EBPL: variants seen among roughly 807,000 people sequenced by gnomAD.
EBPL encodes EBP like, also known as emopamil-binding protein-like.
In EBPL, 20 loss-of-function variants were observed where a neutral mutation model predicts 19.0. The ratio of observed to expected loss-of-function variants is 1.05; its 90% CI spans 0.74 to 1.53. The LOEUF (loss-of-function observed/expected upper bound fraction) is 1.53, where lower values mean the gene tolerates loss of function less well. EBPL is among the 40% of genes most tolerant of loss of function. The pLI, the probability that EBPL is intolerant of heterozygous loss-of-function variation, is 0.00. For missense variants in EBPL, 219 were observed against 261.1 expected (o/e 0.84, Z 1.11); for synonymous variants, 107 against 117.0 (o/e 0.91, Z 0.55).
At chr13:49,675,276 G>A (rs2137497855) in intron 1 of EBPL, among the ~76,000 whole-genome samples, 1 of 152,298 alleles carries the variant, frequency 6.6e-6, no homozygotes, top group African/African-American at 2.4e-5. Context: ...TAACACAATG[G>A]TATTTGTGCA....
intron 1 of EBPL, among the ~76,000 whole-genome samples, chr13:49,674,038 A>T (rs1953849291): frequency 6.6e-6 from 1 of 152,062 alleles, no homozygotes; most frequent in Non-Finnish European, 1.5e-5. Flanking sequence ...GGACTGTATC[A>T]ATGTCCATAT....
At position 49,661,040 on chromosome 13, in the gene EBPL, T is replaced by C; in HGVS notation, c.549A>G (p.Leu183=). The change falls in exon 4 of 4, where the codon CTA becomes CTG. Residue 183 remains leucine, a synonymous_variant. Transcript: ENST00000242827. ...TGAGTTCTAGCCATGACTGCCACAG[T>C]AGCAGTCCTGGGATCAGAACCCACA... ...NGVWVLIPGL[L]LWQSWLELKK... is the part of the protein sequence containing the mutation. 6.2e-7 allele frequency: 1 copy of C among 1,614,116 alleles called. No homozygotes were observed. Among genetic ancestry groups the C allele is most frequent in the East Asian group, 2.2e-5 (1 of 44,880 alleles).
intron 2 of EBPL, among the ~76,000 whole-genome samples, chr13:49,664,991 C>T (rs910367280): frequency 3.0e-4 from 46 of 152,130 alleles, no homozygotes; most frequent in African/African-American, 1.0e-3. Context: ...AAACGTTTCT[C>T]CTCTAAATTT....
At chr13:49,677,117 C>CT in intron 1 of EBPL, among the ~76,000 whole-genome samples, 1 of 152,210 alleles carries the variant, frequency 6.6e-6, no homozygotes, top group Non-Finnish European at 1.5e-5. Flanking sequence ...GGCAGTGGTT[C>CT]TACATGAGGA....
intron 1 of EBPL, among the ~76,000 whole-genome samples, chr13:49,672,403 G>T (rs957978178): frequency 7.9e-5 from 12 of 152,276 alleles, no homozygotes; most frequent in African/African-American, 2.9e-4. Context: ...CTCCTGCTGG[G>T]AGGTCAGTGC....
intron 1 of EBPL, among the ~76,000 whole-genome samples, chr13:49,689,862 G>A (rs1024384796): frequency 1.3e-5 from 2 of 152,018 alleles, no homozygotes; most frequent in Admixed American, 6.6e-5. Context: ...ATCAATTCTC[G>A]GCTGGTGGCG....
intron 1 of EBPL, among the ~76,000 whole-genome samples, chr13:49,676,883 G>A (rs964998289): frequency 2.6e-5 from 4 of 152,106 alleles, no homozygotes; most frequent in South Asian, 4.1e-4. Context: ...GGTATTAGCC[G>A]GGCCACCTAA....
intron 1 of EBPL, among the ~76,000 whole-genome samples, chr13:49,679,895 A>ATG (rs35901807): frequency 0.19 from 28,646 of 152,090 alleles, 3,272 homozygotes; most frequent in Non-Finnish European, 0.26. Context: ...ATATATATAT[A>ATG]TTAGTCAATA....
intron 2 of EBPL, among the ~76,000 whole-genome samples, chr13:49,667,379 T>C (rs1295303658): frequency 6.6e-6 from 1 of 152,154 alleles, no homozygotes; most frequent in Admixed American, 6.6e-5. Context: ...ACCAGAGCCA[T>C]TGTTGTGTCC....
chr13:49,663,031 C>T, intron 3 of EBPL, 26 bp downstream of exon 3: 1 of 1,612,460 alleles, frequency 6.2e-7, no homozygotes, highest in Non-Finnish European at 8.5e-7. Flanking sequence ...CCCCTCCTTC[C>T]AGCAGGACAG....
intron 1 of EBPL, among the ~76,000 whole-genome samples, chr13:49,681,136 T>C (rs1165106717): frequency 6.6e-6 from 1 of 152,204 alleles, no homozygotes; most frequent in African/African-American, 2.4e-5. Context: ...AAATTTGGTT[T>C]AAAAAATACA....
intron 1 of EBPL, among the ~76,000 whole-genome samples, chr13:49,689,396 C>G (rs1191669835): frequency 6.6e-6 from 1 of 152,184 alleles, no homozygotes; most frequent in Non-Finnish European, 1.5e-5. Context: ...GTTGCCCAGG[C>G]TGGAGTGCAG....
At chr13:49,691,161 T>C (rs1297265550) in intron 1 of EBPL, 93 bp downstream of exon 1, 3 of 1,139,140 alleles carry the variant, frequency 2.6e-6, no homozygotes, top group African/African-American at 3.2e-5. Flanking sequence ...GCCAGCTCGC[T>C]GCAAAAAGCC....
At chr13:49,676,017 T>A (rs939495574) in intron 1 of EBPL, among the ~76,000 whole-genome samples, 1 of 152,236 alleles carries the variant, frequency 6.6e-6, no homozygotes, top group Non-Finnish European at 1.5e-5. Flanking sequence ...TGGAGGAATT[T>A]CTATTCAAAT....
intron 1 of EBPL, among the ~76,000 whole-genome samples, chr13:49,673,353 A>G (rs1012956207): frequency 1.3e-5 from 2 of 152,254 alleles, no homozygotes; most frequent in Non-Finnish European, 2.9e-5. Flanking sequence ...GAATGTTCAT[A>G]GCAGCTTTAT....
At chr13:49,664,898 CGA>C (rs1403286439) in intron 2 of EBPL, among the ~76,000 whole-genome samples, 1 of 152,076 alleles carries the variant, frequency 6.6e-6, no homozygotes, top group African/African-American at 2.4e-5. Flanking sequence ...GAGAGGCCAC[CGA>C]GAGTCATCAG....
In EBPL at chr13:49,671,391, G is replaced by A. The variant is rs139208227; in HGVS notation, c.172-1545C>T. 2.0e-3 allele frequency among the ~76,000 whole-genome samples: 303 copies of A among 152,072 alleles called. 2 individuals carry two copies. The highest frequency in any genetic ancestry group is 7.1e-3 in the African/African-American group (294 of 41,470). ...TGGCCTCAAGTGATTTCCCCACCTC[G>A]GCCTCCCAAAGTGCTGGGATTACAG... is the stretch of plus-strand genomic sequence containing the variant. On this transcript the variant is annotated intron_variant, in intron 1 of 3. Transcript: ENST00000242827.
intron 1 of EBPL, among the ~76,000 whole-genome samples, chr13:49,679,651 A>G (rs1953920742): frequency 6.6e-6 from 1 of 152,150 alleles, no homozygotes; most frequent in Non-Finnish European, 1.5e-5. Flanking sequence ...ATAGGTGTGC[A>G]CCATCATGCC....
intron 1 of EBPL, among the ~76,000 whole-genome samples, chr13:49,684,376 T>G (rs1231647913): frequency 2.6e-5 from 4 of 152,114 alleles, no homozygotes; most frequent in Admixed American, 2.6e-4. Flanking sequence ...TCAGTCCAAA[T>G]ACAAAGGAGA....
Sources: gnomAD v4.1 joint callset for allele counts (sites outside exome capture counted in the v4.1 genomes callset) on GRCh38, gnomAD v4.1.1 for gene constraint, MANE v1.5 for transcripts, NCBI Gene and HGNC (gene_info 2026-07-23, HGNC 2026-07-21) for gene names.